The following PLCB1 variants were observed in gnomAD, a reference collection of about 807,000 sequenced individuals.
PLCB1 encodes the protein phospholipase C beta 1, also known as 1-phosphatidylinositol 4,5-bisphosphate phosphodiesterase beta-1.
In PLCB1, 46 loss-of-function variants were observed where a neutral mutation model predicts 161.8. The ratio of observed to expected loss-of-function variants is 0.28; its 90% CI spans 0.22 to 0.36. PLCB1 has a LOEUF of 0.36. Ranked by LOEUF, PLCB1 falls within the 10% of genes least tolerant of loss-of-function variation. The pLI is 1.00. For synonymous variants in PLCB1, 517 were observed against 503.7 expected (o/e 1.03, Z -0.35); for missense variants, 1,016 against 1,472.5 (o/e 0.69, Z 5.07).
chr20:8,159,470 C>T (rs1409291261), intron 2 of PLCB1, among the ~76,000 whole-genome samples: 1 of 152,054 alleles, frequency 6.6e-6, no homozygotes, highest in Non-Finnish European at 1.5e-5. Flanking sequence ...TCTGACATGC[C>T]CTGGAGCCAT....
intron 10 of PLCB1, 79 bp from the exon 11 acceptor site, chr20:8,697,547 T>C: frequency 7.0e-7 from 1 of 1,421,790 alleles, no homozygotes; most frequent in Non-Finnish European, 9.8e-7. Context: ...TTCCTGTTAT[T>C]GAGGAGCCTT....
rs894430293 is a variant in PLCB1 at position 8,867,302 on chromosome 20, T to C, written c.3424-14320T>C. On this transcript the variant is annotated intron_variant, in intron 31 of 31. Coordinates refer to ENST00000338037, the MANE Select transcript of PLCB1 (RefSeq NM_015192.4). ...GCAGGACCCCCACAGGAAAAAGCCT[T>C]TGGAGACCCAAGACTTCCTGAAGAG... 2.6e-5 allele frequency among the ~76,000 whole-genome samples: 4 copies of C among 152,194 alleles called. No individual in the cohort carries two copies. In the East Asian group the frequency reaches 7.7e-4, roughly 29 times the overall value.
Position 8,881,608 on chromosome 20 carries a change from T to C in PLCB1, c.3424-14T>C. The C allele has an allele frequency of 1.9e-6, 3 of 1,601,172 alleles. No homozygotes were observed. Among genetic ancestry groups the C allele is most frequent in the Non-Finnish European group, 2.6e-6 (3 of 1,168,212 alleles). On this transcript the variant is annotated splice_polypyrimidine_tract_variant and intron_variant, in intron 31 of 31. Transcript: ENST00000338037. ...AAACAACTTCAAGTCATCTCCCCTC[T>C]TGATGTCTCTCAGCTGCAGGTGGAG...
chr20:8,402,853 A>T (rs1024137109), intron 3 of PLCB1, among the ~76,000 whole-genome samples: 2 of 150,628 alleles, frequency 1.3e-5, no homozygotes, highest in African/African-American at 2.4e-5. Context: ...TCAAAAAAAT[A>T]AAAAAAAAAT....
At chr20:8,347,896 C>G (rs984229544) in intron 2 of PLCB1, among the ~76,000 whole-genome samples, 33 of 151,656 alleles carry the variant, frequency 2.2e-4, no homozygotes, top group Admixed American at 2.0e-3. Flanking sequence ...GGCATGAACC[C>G]GGGAGGTGGA....
intron 19 of PLCB1, among the ~76,000 whole-genome samples, chr20:8,736,179 C>G (rs1465678682): frequency 6.6e-6 from 1 of 152,202 alleles, no homozygotes. Flanking sequence ...TTTCCCCTTC[C>G]TGGTATACAG....
intron 31 of PLCB1, among the ~76,000 whole-genome samples, chr20:8,837,256 A>T (rs779046692): frequency 6.6e-6 from 1 of 152,152 alleles, no homozygotes; most frequent in Non-Finnish European, 1.5e-5. Context: ...AACTACATTC[A>T]AGTCCAAAGA....
chr20:8,147,654 T>C (rs560396049), intron 1 of PLCB1, among the ~76,000 whole-genome samples: 4 of 152,276 alleles, frequency 2.6e-5, no homozygotes, highest in Middle Eastern at 3.4e-3. Context: ...AAGTTCCAGC[T>C]GATCTTGGAA....
At chr20:8,146,044 A>C (rs948903341) in intron 1 of PLCB1, among the ~76,000 whole-genome samples, 1 of 152,102 alleles carries the variant, frequency 6.6e-6, no homozygotes, top group African/African-American at 2.4e-5. Context: ...TGTCGCTTCC[A>C]AGGAAACGAA....
intron 10 of PLCB1, among the ~76,000 whole-genome samples, chr20:8,689,979 G>GTTTTTTTTTTT (rs1990439041): frequency 3.5e-5 from 1 of 28,450 alleles, no homozygotes; most frequent in Non-Finnish European, 1.4e-4. Flanking sequence ...CTGTACAATG[G>GTTTTTTTTTTT]TTTTGTATCA....
At chr20:8,395,825 A>G (rs939528188) in intron 3 of PLCB1, among the ~76,000 whole-genome samples, 7 of 152,130 alleles carry the variant, frequency 4.6e-5, no homozygotes, top group Middle Eastern at 3.4e-3. Context: ...ATTTTAAAAA[A>G]AAAACAAATT....
At chr20:8,703,389 G>A (rs1286888346) in intron 11 of PLCB1, among the ~76,000 whole-genome samples, 1 of 152,154 alleles carries the variant, frequency 6.6e-6, no homozygotes, top group Non-Finnish European at 1.5e-5. Context: ...CATAGGCATG[G>A]ACTTATTAAG....
At chr20:8,399,838 G>A (rs549438074) in intron 3 of PLCB1, among the ~76,000 whole-genome samples, 6 of 151,702 alleles carry the variant, frequency 4.0e-5, no homozygotes, top group East Asian at 1.9e-4. Flanking sequence ...ACAAAGTCCC[G>A]AAAATAAAAA....
At position 8,346,684 on chromosome 20, in the gene PLCB1, A is replaced by G. The variant is rs182139374; in HGVS notation, c.178-24698A>G. ...AAGAAAAGTAATGTTCACTTTTTAA[A>G]TGAGCCATTAAATAAATCCATTGAC... On this transcript the variant is annotated intron_variant, in intron 2 of 31. Coordinates refer to ENST00000338037, the MANE Select transcript of PLCB1 (RefSeq NM_015192.4). Among the ~76,000 whole-genome samples the G allele has an allele frequency of 1.4e-4, 22 of 152,318 alleles. No homozygotes were observed. The East Asian group carries it at 3.3e-3, about 23-fold the overall frequency.
chr20:8,308,618 CA>C (rs71183088), intron 2 of PLCB1, among the ~76,000 whole-genome samples: 20,820 of 73,628 alleles, frequency 0.28, 1,477 homozygotes, highest in East Asian at 0.37. Context: ...TTCCGTATAT[CA>C]AAAAAAAAAA....
intron 3 of PLCB1, among the ~76,000 whole-genome samples, chr20:8,397,296 C>A (rs1246164957): frequency 2.0e-5 from 3 of 151,930 alleles, no homozygotes; most frequent in African/African-American, 7.2e-5. Context: ...AATATATACT[C>A]CAAGATTATT....
intron 3 of PLCB1, among the ~76,000 whole-genome samples, chr20:8,549,439 CT>C (rs1267466442): frequency 6.6e-6 from 1 of 152,134 alleles, no homozygotes; most frequent in Non-Finnish European, 1.5e-5. Context: ...CATGCACTTC[CT>C]GATAAGTTTG....
At chr20:8,151,800 G>C (rs1389666616) in intron 2 of PLCB1, among the ~76,000 whole-genome samples, 3 of 152,108 alleles carry the variant, frequency 2.0e-5, no homozygotes, top group Admixed American at 2.0e-4. Context: ...CAAACTGTCA[G>C]TTTGATTTTT....
chr20:8,337,727 A>C (rs1985637981), intron 2 of PLCB1, among the ~76,000 whole-genome samples: 1 of 152,220 alleles, frequency 6.6e-6, no homozygotes, highest in African/African-American at 2.4e-5. Flanking sequence ...CCCTTTTGCA[A>C]AGTTACACCA....
Sources: gnomAD v4.1 joint callset for allele counts (sites outside exome capture counted in the v4.1 genomes callset) on GRCh38, gnomAD v4.1.1 for gene constraint, MANE v1.5 for transcripts, NCBI Gene and HGNC (gene_info 2026-07-23, HGNC 2026-07-21) for gene names.